Variants in CDH13 observed in about 807,000 individuals in gnomAD.
The protein encoded by CDH13 is cadherin-13.
A neutral mutation model predicts 63.8 loss-of-function variants in CDH13; 24 were observed. The observed-to-expected ratio is 0.38, with a 90% CI of 0.27 to 0.53. The LOEUF is 0.53. Among genes scored for constraint, CDH13 ranks in the 20% least tolerant of loss-of-function variants. CDH13 has a pLI of 0.85. For missense variants in CDH13, 1,049 were observed against 903.1 expected (o/e 1.16, Z -2.07); for synonymous variants, 503 against 355.3 (o/e 1.42, Z -4.67).
At chr16:83,142,160 G>GTTTTTGT (rs2036560114) in intron 4 of CDH13, among the ~76,000 whole-genome samples, 2 of 120,378 alleles carry the variant, frequency 1.7e-5, no homozygotes, top group South Asian at 2.7e-4. Context: ...GTTTGTTTTT[G>GTTTTTGT]TTTTTTTTTT....
rs1038430756 is a variant in CDH13, at chr16:83,451,149, A to C, written c.782-35328A>C. Among the ~76,000 whole-genome samples the C allele has an allele frequency of 2.2e-4, 33 of 152,130 alleles. 1 individual carries two copies. The highest frequency in any genetic ancestry group is 2.1e-4 in the South Asian group (1 of 4,820). On this transcript the variant is annotated intron_variant, in intron 6 of 13. Coordinates refer to ENST00000567109, the MANE Select transcript of CDH13 (RefSeq NM_001257.5). ...AAGGAGAATCATTTGTCTTTGTATT[A>C]CTCTGTTCTCACGCTGCTAATAAAG...
chr16:83,130,701 T>A (rs927756796), intron 4 of CDH13, among the ~76,000 whole-genome samples: 1 of 152,200 alleles, frequency 6.6e-6, no homozygotes, highest in Non-Finnish European at 1.5e-5. Flanking sequence ...AAAATTATCA[T>A]AAAAGACACA....
intron 6 of CDH13, among the ~76,000 whole-genome samples, chr16:83,366,111 A>G (rs1020190788): frequency 1.7e-4 from 26 of 152,230 alleles, no homozygotes; most frequent in African/African-American, 6.3e-4. Flanking sequence ...CTTACATACC[A>G]TTTAAGAGTA....
chr16:83,433,167 C>G (rs2072179000), intron 6 of CDH13, among the ~76,000 whole-genome samples: 1 of 152,206 alleles, frequency 6.6e-6, no homozygotes, highest in Non-Finnish European at 1.5e-5. Context: ...TCCCCGTCTT[C>G]CTGGAACTTA....
intron 4 of CDH13, among the ~76,000 whole-genome samples, chr16:83,178,411 T>G (rs376734332): frequency 6.6e-6 from 1 of 152,320 alleles, no homozygotes; most frequent in South Asian, 2.1e-4. Flanking sequence ...CTGGCACTGA[T>G]AGTCTAAGAT....
intron 6 of CDH13, among the ~76,000 whole-genome samples, chr16:83,468,993 G>C (rs539190087): frequency 6.6e-6 from 1 of 152,280 alleles, no homozygotes; most frequent in South Asian, 2.1e-4. Flanking sequence ...AGTTGTATAG[G>C]CTGCAGGAAC....
intron 1 of CDH13, among the ~76,000 whole-genome samples, chr16:82,757,893 C>T (rs916413931): frequency 2.0e-5 from 3 of 152,134 alleles, no homozygotes; most frequent in Non-Finnish European, 2.9e-5. Flanking sequence ...TCGTGATCCG[C>T]CCGCCTCGGC....
At chr16:83,447,281 G>C (rs1009739553) in intron 6 of CDH13, among the ~76,000 whole-genome samples, 4 of 151,386 alleles carry the variant, frequency 2.6e-5, no homozygotes, top group African/African-American at 7.3e-5. Context: ...CGGGCGTGGT[G>C]GTGGGTGCTT....
chr16:82,768,681 T>A (rs1165938576), intron 1 of CDH13, among the ~76,000 whole-genome samples: 2 of 152,200 alleles, frequency 1.3e-5, no homozygotes, highest in Non-Finnish European at 2.9e-5. Flanking sequence ...TCCAGCCTAG[T>A]GCTTAGGTCT....
chr16:83,093,906 G>T (rs2034056050), intron 3 of CDH13, among the ~76,000 whole-genome samples: 1 of 152,174 alleles, frequency 6.6e-6, no homozygotes, highest in African/African-American at 2.4e-5. Flanking sequence ...CCGTAAAAGA[G>T]GCAGAAAGGA....
intron 11 of CDH13, among the ~76,000 whole-genome samples, chr16:83,763,291 T>C (rs973860299): frequency 6.6e-6 from 1 of 152,204 alleles, no homozygotes; most frequent in African/African-American, 2.4e-5. Flanking sequence ...TGATTTTTCA[T>C]AGGCTAAGAT....
chr16:83,109,751 G>A (rs575137243), intron 3 of CDH13, among the ~76,000 whole-genome samples: 57 of 152,286 alleles, frequency 3.7e-4, no homozygotes, highest in Admixed American at 1.2e-3. Context: ...GTCACAAGTA[G>A]CTATTGAACA....
chr16:83,527,494 A>C (rs746369310), intron 7 of CDH13, among the ~76,000 whole-genome samples: 3 of 152,314 alleles, frequency 2.0e-5, no homozygotes, highest in East Asian at 1.9e-4. Context: ...CAGATACAAA[A>C]AGAGTTGTCT....
chr16:82,975,251 A>C (rs1312941032), intron 2 of CDH13, among the ~76,000 whole-genome samples: 1 of 152,214 alleles, frequency 6.6e-6, no homozygotes, highest in African/African-American at 2.4e-5. Context: ...TTAGGAAAGC[A>C]GAGATAAGGC....
intron 4 of CDH13, among the ~76,000 whole-genome samples, chr16:83,188,285 AT>A (rs2038587932): frequency 6.6e-6 from 1 of 152,168 alleles, no homozygotes; most frequent in Non-Finnish European, 1.5e-5. Flanking sequence ...TCTAGAAGCA[AT>A]GGGGGCTTGG....
chr16:83,396,652 G>T (rs2151436829), intron 6 of CDH13: 1 of 152,242 alleles, frequency 6.6e-6, no homozygotes, highest in Non-Finnish European at 1.5e-5. Context: ...CCACTGACAG[G>T]TGACGTTCGT....
intron 4 of CDH13, among the ~76,000 whole-genome samples, chr16:83,216,808 G>C (rs1340152054): frequency 6.6e-6 from 1 of 150,594 alleles, no homozygotes; most frequent in Non-Finnish European, 1.5e-5. Context: ...ATGTGTGTAT[G>C]TGTATATATG....
At chr16:82,918,874 T>A (rs1190143504) in intron 2 of CDH13, among the ~76,000 whole-genome samples, 1 of 152,204 alleles carries the variant, frequency 6.6e-6, no homozygotes, top group African/African-American at 2.4e-5. Flanking sequence ...ACCCAAATTA[T>A]AAAGCCACCC....
At chr16:82,747,210 G>A (rs147017014) in intron 1 of CDH13, among the ~76,000 whole-genome samples, 8 of 152,238 alleles carry the variant, frequency 5.3e-5, no homozygotes, top group Non-Finnish European at 7.4e-5. Context: ...ACTGTGGTCC[G>A]TAGATCAGTA....
Sources: gnomAD v4.1 joint callset for allele counts (sites outside exome capture counted in the v4.1 genomes callset) on GRCh38, gnomAD v4.1.1 for gene constraint, MANE v1.5 for transcripts, NCBI Gene and HGNC (gene_info 2026-07-23, HGNC 2026-07-21) for gene names.